CACNA1A: variants seen among roughly 807,000 people sequenced by gnomAD.
The protein encoded by CACNA1A is calcium voltage-gated channel subunit alpha1 A.
In CACNA1A, 57 loss-of-function variants were observed where a neutral mutation model predicts 262.4. The observed-to-expected ratio is 0.22, with a 90% CI of 0.18 to 0.27. CACNA1A has a LOEUF of 0.27. CACNA1A is among the 10% of genes least tolerant of loss of function. The probability of loss-of-function intolerance (pLI) is 1.00; values close to 1 mark genes in which losing one functional copy is unlikely to be tolerated. For synonymous variants in CACNA1A, 1,431 were observed against 1,419.3 expected, an observed-to-expected ratio of 1.01 and a Z score of -0.18; for missense variants, 2,526 against 3,562.8, an observed-to-expected ratio of 0.71 and a Z score of 7.41.
intron 6 of CACNA1A, among the ~76,000 whole-genome samples, chr19:13,345,651 C>T (rs966573792): frequency 6.6e-6 from 1 of 151,990 alleles, no homozygotes; most frequent in Non-Finnish European, 1.5e-5. Flanking sequence ...AAGGAAAAAA[C>T]CCCAAAACTC....
At chr19:13,480,414 T>C (rs1167834887) in intron 1 of CACNA1A, among the ~76,000 whole-genome samples, 2 of 151,104 alleles carry the variant, frequency 1.3e-5, no homozygotes, top group Non-Finnish European at 2.9e-5. Flanking sequence ...CTTACTTTAT[T>C]GTAAGAATAC....
At chr19:13,312,115 C>T (rs553406306) in intron 12 of CACNA1A, among the ~76,000 whole-genome samples, 77 of 152,218 alleles carry the variant, frequency 5.1e-4, no homozygotes, top group Non-Finnish European at 9.3e-4. Flanking sequence ...AAGGATTGGA[C>T]GTAGATTATT....
At chr19:13,270,407 G>C (rs541380974) in intron 24 of CACNA1A, among the ~76,000 whole-genome samples, 111 of 118,866 alleles carry the variant, frequency 9.3e-4, no homozygotes, top group Non-Finnish European at 1.5e-3. Flanking sequence ...GGACCCTGGG[G>C]TGGGGGGTGG....
chr19:13,287,827 G>A (rs530573560), intron 19 of CACNA1A, among the ~76,000 whole-genome samples: 6 of 143,620 alleles, frequency 4.2e-5, no homozygotes, highest in African/African-American at 1.5e-4. Flanking sequence ...TTTTCAGACA[G>A]GGTCTTACTC....
At chr19:13,503,334 T>C (rs184608265) in intron 1 of CACNA1A, among the ~76,000 whole-genome samples, 28 of 152,238 alleles carry the variant, frequency 1.8e-4, no homozygotes, top group African/African-American at 6.7e-4. Context: ...GATCGGGACC[T>C]GGGTGCTGGA....
Position 13,241,394 on chromosome 19 carries a change from G to T in CACNA1A, c.4950+3788C>A. 2 of 710,362 alleles carry T rather than the reference G, an allele frequency of 2.8e-6. No homozygotes were observed. The highest frequency in any genetic ancestry group is 5.1e-6 in the Non-Finnish European group (2 of 392,790). The allele number at this position is 710,362 out of a possible 1,614,324, so 44.0% of individuals were successfully genotyped here. ...GGAGGACAGACAGACAGAGGAGAGC[G>T]GAGGGTTGAGGAGAGCGTCAGGCAT... is the stretch of plus-strand genomic sequence containing the variant. On this transcript the variant is annotated intron_variant, in intron 31 of 46. Coordinates refer to ENST00000360228, the MANE Select transcript of CACNA1A (RefSeq NM_001127222.2). This position sits in a 1 kb window ranked among gnomAD's most constrained non-coding sequence, Gnocchi z 4.0.
intron 31 of CACNA1A, among the ~76,000 whole-genome samples, chr19:13,243,058 G>C (rs1337479265): frequency 1.3e-5 from 2 of 152,208 alleles, no homozygotes; most frequent in South Asian, 2.1e-4. Context: ...TGGGGAGCTG[G>C]ACCATCCTTC....
At chr19:13,473,728 T>C (rs1196394610) in intron 1 of CACNA1A, among the ~76,000 whole-genome samples, 1 of 149,108 alleles carries the variant, frequency 6.7e-6, no homozygotes, top group Admixed American at 6.8e-5. Context: ...TACATCCCAG[T>C]TCCAGGCACA....
At chr19:13,423,134 G>T (rs2060345199) in intron 3 of CACNA1A, among the ~76,000 whole-genome samples, 1 of 152,166 alleles carries the variant, frequency 6.6e-6, no homozygotes, top group African/African-American at 2.4e-5. Flanking sequence ...CAAGAGAAAA[G>T]CAATTCCCTC....
intron 6 of CACNA1A, among the ~76,000 whole-genome samples, chr19:13,347,243 T>C (rs1315432949): frequency 1.3e-5 from 2 of 151,778 alleles, no homozygotes; most frequent in South Asian, 2.1e-4. Context: ...ATTTTTTTTT[T>C]TGTAGAGATG....
intron 3 of CACNA1A, among the ~76,000 whole-genome samples, chr19:13,418,470 T>C (rs1248169547): frequency 6.6e-6 from 1 of 152,200 alleles, no homozygotes; most frequent in African/African-American, 2.4e-5. Flanking sequence ...AAATAAGGTA[T>C]GCAGGTACGA....
Position 13,207,179 on chromosome 19 carries a change from C to G in CACNA1A, c.*134G>C. The G allele has an allele frequency of 8.9e-6, 9 of 1,012,098 alleles. No individual in the cohort carries two copies. In the South Asian group the frequency reaches 1.6e-4, roughly 18 times the overall value. The allele number at this position is 1,012,098 out of a possible 1,614,324, so 62.7% of individuals were successfully genotyped here. ...CCTTGTGGCCCAGCCCTGGCCTCTCCAGAGTCTGGGGTCTCCCGGCTGGCC... is the reference window on the plus strand; with the variant it reads ...CCTTGTGGCCCAGCCCTGGCCTCTCGAGAGTCTGGGGTCTCCCGGCTGGCC... On this transcript the variant is annotated 3_prime_UTR_variant, in exon 47 of 47. Coordinates refer to ENST00000360228, the MANE Select transcript of CACNA1A (RefSeq NM_001127222.2). The surrounding 1 kb of genome is among the most constrained non-coding windows in gnomAD (Gnocchi z 5.7).
Position 13,419,724 on chromosome 19 carries a change from G to A in CACNA1A, c.539+33152C>T, listed in dbSNP as rs565346275. On this transcript the variant is annotated intron_variant, in intron 3 of 46. Transcript: ENST00000360228. ...GGACAATGTCAGTTAAACAAGATCT[G>A]TAGATTTTGTTATCTAATTAGACCC... 5.9e-5 allele frequency among the ~76,000 whole-genome samples: 9 copies of A among 152,158 alleles called. No individual in the cohort carries two copies. The South Asian group carries it at 6.2e-4, about 11-fold the overall frequency.
In CACNA1A at chr19:13,482,943, C is replaced by T. The variant is rs142312503; in HGVS notation, c.293+22989G>A. On this transcript the variant is annotated intron_variant, in intron 1 of 46. Transcript: ENST00000360228. ...CTGTCTCTGCCTCCTTCCTCTCTTC[C>T]TCCTTCTCTATTTCAGTAAGGGCCC... 5.6e-3 allele frequency among the ~76,000 whole-genome samples: 847 copies of T among 151,336 alleles called. 6 individuals are homozygous for T. Among genetic ancestry groups the T allele is most frequent in the Non-Finnish European group, 9.3e-3 (631 of 67,848 alleles).
At chr19:13,456,582 G>A (rs944638192) in intron 1 of CACNA1A, among the ~76,000 whole-genome samples, 2 of 151,684 alleles carry the variant, frequency 1.3e-5, no homozygotes, top group African/African-American at 2.4e-5. Context: ...GCTGAGGCAG[G>A]AGAATGGCGT....
At chr19:13,377,271 ATTTC>A (rs931523187) in intron 3 of CACNA1A, among the ~76,000 whole-genome samples, 61 of 151,832 alleles carry the variant, frequency 4.0e-4, no homozygotes, top group African/African-American at 1.5e-3. Flanking sequence ...CAGAAAAAAG[ATTTC>A]TTTCAAAATA....
chr19:13,255,401 G>A, intron 28 of CACNA1A, 142 bp from the exon 29 acceptor site: 1 of 720,650 alleles, frequency 1.4e-6, no homozygotes, highest in Non-Finnish European at 2.2e-6. Flanking sequence ...CAGGATTCCT[G>A]GGCTCTCTCT....
At chr19:13,327,121 T>G (rs540762169) in intron 10 of CACNA1A, among the ~76,000 whole-genome samples, 1 of 151,972 alleles carries the variant, frequency 6.6e-6, no homozygotes, top group Admixed American at 6.6e-5. Flanking sequence ...CCTCAAACGA[T>G]CCTCCCACCT....
intron 3 of CACNA1A, among the ~76,000 whole-genome samples, chr19:13,377,094 G>T (rs1430261144): frequency 6.6e-6 from 1 of 151,806 alleles, no homozygotes; most frequent in East Asian, 1.9e-4. Context: ...AGGGTAGCTG[G>T]GATTACAGGC....
Sources: gnomAD v4.1 joint callset for allele counts (sites outside exome capture counted in the v4.1 genomes callset) on GRCh38, gnomAD v4.1.1 for gene constraint, Gnocchi (gnomAD v3.1) non-coding constraint, MANE v1.5 for transcripts, NCBI Gene and HGNC (gene_info 2026-07-23, HGNC 2026-07-21) for gene names.